Variants in IL1RAPL1 observed in about 807,000 individuals in gnomAD.
The protein encoded by IL1RAPL1 is interleukin 1 receptor accessory protein like 1, also known as interleukin-1 receptor accessory protein-like 1.
IL1RAPL1 carries 3 observed loss-of-function variants against 48.4 expected under a neutral mutation model. The ratio of observed to expected loss-of-function variants is 0.06; its 90% CI spans 0.03 to 0.16. The LOEUF is 0.16. IL1RAPL1 is among the 10% of genes least tolerant of loss of function. IL1RAPL1 has a pLI of 1.00. For missense variants in IL1RAPL1, 349 were observed against 530.6 expected, an observed-to-expected ratio of 0.66 and a Z score of 3.36; for synonymous variants, 185 against 187.7, an observed-to-expected ratio of 0.99 and a Z score of 0.12.
chrX:29,728,331 T>G (rs932606629), intron 6 of IL1RAPL1, among the ~76,000 whole-genome samples: 9 of 111,840 alleles, frequency 8.0e-5, no homozygotes, highest in African/African-American at 2.9e-4. Context: ...TCAACCCAAC[T>G]TGAATGTATT....
intron 6 of IL1RAPL1, among the ~76,000 whole-genome samples, chrX:29,687,594 G>A (rs1194977841): frequency 8.9e-6 from 1 of 111,930 alleles, no homozygotes; most frequent in Non-Finnish European, 1.9e-5. Flanking sequence ...CTGTTGCATA[G>A]TAGAATGACT....
At chrX:29,841,186 C>CT (rs1005689004) in intron 6 of IL1RAPL1, among the ~76,000 whole-genome samples, 1 of 111,691 alleles carries the variant, frequency 9.0e-6, no homozygotes, top group Admixed American at 9.5e-5. Context: ...GATAACAATG[C>CT]TTTACAGAGT....
intron 5 of IL1RAPL1, among the ~76,000 whole-genome samples, chrX:29,399,935 C>A (rs1229085451): frequency 8.9e-6 from 1 of 111,868 alleles, no homozygotes; most frequent in Non-Finnish European, 1.9e-5. Context: ...GGAAACATTT[C>A]CTAGAGTGGC....
intron 5 of IL1RAPL1, among the ~76,000 whole-genome samples, chrX:29,576,493 A>T (rs887069612): frequency 4.5e-5 from 5 of 111,873 alleles, no homozygotes; most frequent in Non-Finnish European, 9.4e-5. Context: ...CCCTGGAACA[A>T]TTTGTTGTAA....
intron 2 of IL1RAPL1, among the ~76,000 whole-genome samples, chrX:29,046,066 C>A (rs1926964700): frequency 9.4e-6 from 1 of 105,840 alleles, no homozygotes; most frequent in Non-Finnish European, 1.9e-5. Context: ...TCTTTTTCTT[C>A]AGGCATGGCC....
At chrX:29,351,778 T>C (rs1218122895) in intron 3 of IL1RAPL1, among the ~76,000 whole-genome samples, 1 of 111,902 alleles carries the variant, frequency 8.9e-6, no homozygotes, top group African/African-American at 3.2e-5. Context: ...GGCTTGGTGT[T>C]CTTAACTTTT....
chrX:29,071,488 G>T (rs188756760), intron 2 of IL1RAPL1, among the ~76,000 whole-genome samples: 1 of 111,803 alleles, frequency 8.9e-6, no homozygotes, highest in Non-Finnish European at 1.9e-5. Context: ...AAGTATTTAT[G>T]CCATTATTTT....
At chrX:28,837,166 C>G (rs1921243456) in intron 2 of IL1RAPL1, among the ~76,000 whole-genome samples, 1 of 111,297 alleles carries the variant, frequency 9.0e-6, no homozygotes, top group African/African-American at 3.3e-5. Flanking sequence ...GGCATTACCT[C>G]ACATACTTAA....
At chrX:28,822,696 A>G (rs1250418756) in intron 2 of IL1RAPL1, among the ~76,000 whole-genome samples, 1 of 111,612 alleles carries the variant, frequency 9.0e-6, no homozygotes, top group Non-Finnish European at 1.9e-5. Flanking sequence ...AATTCTCACC[A>G]ATGATAAAGT....
At chrX:28,837,345 A>G (rs901251297) in intron 2 of IL1RAPL1, among the ~76,000 whole-genome samples, 2 of 111,000 alleles carry the variant, frequency 1.8e-5, no homozygotes, top group African/African-American at 6.5e-5. Context: ...GACACTCCTC[A>G]TTTTTGAAGC....
At chrX:29,663,443 CATCCTTATGAAT>C (rs770327604) in intron 5 of IL1RAPL1, among the ~76,000 whole-genome samples, 1 of 112,248 alleles carries the variant, frequency 8.9e-6, no homozygotes, top group African/African-American at 3.2e-5. Flanking sequence ...CATCTATGAA[CATCCTTATGAAT>C]GACTCTATGT....
At chrX:29,070,042 G>A (rs1193190789) in intron 2 of IL1RAPL1, among the ~76,000 whole-genome samples, 1 of 112,035 alleles carries the variant, frequency 8.9e-6, no homozygotes, top group Non-Finnish European at 1.9e-5. Flanking sequence ...TGCACGGGAT[G>A]TGAAACATGC....
intron 2 of IL1RAPL1, among the ~76,000 whole-genome samples, chrX:29,079,051 A>G (rs1302436080): frequency 1.8e-5 from 2 of 112,497 alleles, no homozygotes; most frequent in Non-Finnish European, 3.8e-5. Context: ...AGCACAGATC[A>G]TTATTACCCA....
chrX:29,273,672 G>A (rs1458528227), intron 2 of IL1RAPL1, among the ~76,000 whole-genome samples: 2 of 111,892 alleles, frequency 1.8e-5, no homozygotes, highest in Non-Finnish European at 3.8e-5. Context: ...AGGGGCACCA[G>A]TGGGGGCAGG....
At chrX:29,102,272 A>G (rs1237872925) in intron 2 of IL1RAPL1, among the ~76,000 whole-genome samples, 1 of 112,351 alleles carries the variant, frequency 8.9e-6, no homozygotes, top group East Asian at 2.8e-4. Flanking sequence ...AACATGACAA[A>G]GATGCCCACT....
Position 28,773,066 on chromosome X carries a change from TCTCTC to T in IL1RAPL1, c.-24-16253_-24-16249del. Among the ~76,000 whole-genome samples, 2 of 106,118 alleles carry T rather than the reference TCTCTC, an allele frequency of 1.9e-5. 1 individual carries two copies. Among genetic ancestry groups the T allele is most frequent in the African/African-American group, 7.6e-5 (2 of 26,439 alleles). 92.2% of individuals were successfully genotyped at this position (106,118 alleles called of 115,157 possible). A position where few individuals can be genotyped will look rare whatever the true frequency, so the allele number is the denominator to read the frequency against. On this transcript the variant is annotated intron_variant, in intron 1 of 10. Coordinates refer to ENST00000378993, the MANE Select transcript of IL1RAPL1 (RefSeq NM_014271.4). ...TAATCCTTTTTTCTTATAATATCTC[TCTCTC>T]TCTCTCTCTCTCACTTTGAAGAAAC...
intron 5 of IL1RAPL1, among the ~76,000 whole-genome samples, chrX:29,583,023 G>A (rs1923029317): frequency 1.0e-5 from 1 of 96,306 alleles, no homozygotes; most frequent in Non-Finnish European, 2.0e-5. Context: ...GTGTAAAAGT[G>A]TTCCTATTTC....
chrX:29,293,169 A>G (rs1195792590), intron 3 of IL1RAPL1, among the ~76,000 whole-genome samples: 3 of 112,279 alleles, frequency 2.7e-5, no homozygotes, highest in Admixed American at 1.9e-4. Flanking sequence ...TCTTTTCAAA[A>G]ACAACAAATT....
chrX:28,958,462 A>T (rs1474499205), intron 2 of IL1RAPL1, among the ~76,000 whole-genome samples: 1 of 111,738 alleles, frequency 8.9e-6, no homozygotes, highest in African/African-American at 3.3e-5. Context: ...GTTTTCTTGC[A>T]ATGTACTATA....
Sources: gnomAD v4.1 joint callset for allele counts (sites outside exome capture counted in the v4.1 genomes callset) on GRCh38, gnomAD v4.1.1 for gene constraint, MANE v1.5 for transcripts, NCBI Gene and HGNC (gene_info 2026-07-23, HGNC 2026-07-21) for gene names.